ACSM1: variants seen among roughly 807,000 people sequenced by gnomAD.
ACSM1 encodes the protein acyl-coenzyme A synthetase ACSM1, mitochondrial.
Under a neutral mutation model 75.8 loss-of-function variants are expected in ACSM1, and 79 were observed. The ratio of observed to expected loss-of-function variants is 1.04; its 90% CI spans 0.87 to 1.26. ACSM1 has a LOEUF of 1.26. Ranked by LOEUF, ACSM1 falls within the 50% of genes most tolerant of loss-of-function variation. The pLI, the probability that ACSM1 is intolerant of heterozygous loss-of-function variation, is 0.00. For missense variants in ACSM1, 676 were observed against 720.1 expected (o/e 0.94, Z 0.70); for synonymous variants, 279 against 265.8 (o/e 1.05, Z -0.48).
intron 7 of ACSM1, among the ~76,000 whole-genome samples, chr16:20,655,399 A>AAAAAT (rs917983786): frequency 5.9e-5 from 9 of 152,072 alleles, no homozygotes; most frequent in South Asian, 2.1e-4. Flanking sequence ...AAGTATAATA[A>AAAAAT]AAAATAAAAT....
At chr16:20,690,964 G>C in intron 2 of ACSM1, 33 bp downstream of exon 2, 2 of 1,591,104 alleles carry the variant, frequency 1.3e-6, no homozygotes, top group African/African-American at 2.7e-5. Flanking sequence ...GGCCACCCTT[G>C]TTCTTATATC....
chr16:20,669,082 G>A (rs1567291498), intron 6 of ACSM1, among the ~76,000 whole-genome samples: 1 of 152,008 alleles, frequency 6.6e-6, no homozygotes, highest in African/African-American at 2.4e-5. Flanking sequence ...GGGTGTGAGT[G>A]GAGACATAAA....
chr16:20,687,134 G>A (rs1480563414), intron 2 of ACSM1, among the ~76,000 whole-genome samples: 5 of 152,008 alleles, frequency 3.3e-5, no homozygotes, highest in East Asian at 1.9e-4. Context: ...CAAGGGTTGC[G>A]GAGGGACTGG....
intron 6 of ACSM1, among the ~76,000 whole-genome samples, chr16:20,666,624 G>A (rs192103439): frequency 2.0e-5 from 3 of 152,048 alleles, no homozygotes; most frequent in East Asian, 3.9e-4. Context: ...CAGAAAAAAC[G>A]ACTTTAAAAC....
At chr16:20,631,992 AAAAT>A (rs2017374644) in intron 10 of ACSM1, among the ~76,000 whole-genome samples, 1 of 152,042 alleles carries the variant, frequency 6.6e-6, no homozygotes, top group Non-Finnish European at 1.5e-5. Context: ...CAAAACTACT[AAAAT>A]AAAAAAATTA....
At chr16:20,687,731 T>C (rs1320337854) in intron 2 of ACSM1, among the ~76,000 whole-genome samples, 2 of 151,910 alleles carry the variant, frequency 1.3e-5, no homozygotes, top group African/African-American at 4.8e-5. Context: ...TAAAGGAAAT[T>C]AGAAAAACTA....
At chr16:20,656,197 C>T (rs988102930) in intron 7 of ACSM1, among the ~76,000 whole-genome samples, 3 of 152,042 alleles carry the variant, frequency 2.0e-5, no homozygotes, top group African/African-American at 7.2e-5. Flanking sequence ...TTCTGCATGC[C>T]TGTTATATCT....
chr16:20,647,938 C>T (rs1053375171), intron 7 of ACSM1, among the ~76,000 whole-genome samples: 1 of 152,184 alleles, frequency 6.6e-6, no homozygotes, highest in Non-Finnish European at 1.5e-5. Flanking sequence ...TCATCATGCA[C>T]CTGCCCTTTT....
At chr16:20,636,881 G>A (rs757224801) in intron 9 of ACSM1, 41 bp from the exon 10 acceptor site, 32 of 1,478,422 alleles carry the variant, frequency 2.2e-5, no homozygotes, top group African/African-American at 9.7e-5. Flanking sequence ...GCAGGAGGCC[G>A]CAGCCCTTCT....
chr16:20,649,057 T>A (rs1325749346), intron 7 of ACSM1, among the ~76,000 whole-genome samples: 1 of 152,186 alleles, frequency 6.6e-6, no homozygotes, highest in Non-Finnish European at 1.5e-5. Flanking sequence ...GTTAAATAAA[T>A]TTGCAATCTT....
chr16:20,670,008 C>G, intron 5 of ACSM1, 22 bp from the exon 6 acceptor site: 2 of 1,612,644 alleles, frequency 1.2e-6, no homozygotes, highest in Non-Finnish European at 1.7e-6. Context: ...ATGCAGTGGC[C>G]TCAGCTGTGT....
chr16:20,683,473 G>A (rs1771058142), intron 3 of ACSM1, among the ~76,000 whole-genome samples: 1 of 151,454 alleles, frequency 6.6e-6, no homozygotes, highest in Admixed American at 6.6e-5. Flanking sequence ...CTCTCTCCAG[G>A]AAAACACCAC....
At chr16:20,650,565 G>A (rs1211876527) in intron 7 of ACSM1, among the ~76,000 whole-genome samples, 2 of 152,066 alleles carry the variant, frequency 1.3e-5, no homozygotes, top group African/African-American at 2.4e-5. Context: ...CTAGGAGGTG[G>A]GAAGGACTCT....
At chr16:20,625,687 G>C (rs1289330277) in intron 11 of ACSM1, among the ~76,000 whole-genome samples, 165 bp from the exon 12 acceptor site, 2 of 152,202 alleles carry the variant, frequency 1.3e-5, no homozygotes, top group Non-Finnish European at 2.9e-5. Context: ...TAAAGACCTG[G>C]ACATTATAGG....
At chr16:20,624,028 G>A (rs1481094371) in intron 13 of ACSM1, 68 bp downstream of exon 13, 8 of 1,590,078 alleles carry the variant, frequency 5.0e-6, no homozygotes, top group Non-Finnish European at 6.9e-6. Context: ...TACCTCCAGT[G>A]ATACCTAGCC....
chr16:20,686,215 T>A (rs79563415), intron 2 of ACSM1, among the ~76,000 whole-genome samples: 4,765 of 152,056 alleles, frequency 0.031, 249 homozygotes, highest in African/African-American at 0.11. Context: ...TTGAAAAAAA[T>A]TTTTTTAATT....
At position 20,636,811 on chromosome 16, in the gene ACSM1, T is replaced by A. The variant is rs1410999640; in HGVS notation, c.1227A>T (p.Pro409=). ...TGCCAATGTTTCCTTCTGTGTTAGG[T>A]GGCAGGATGCTGCCCTTGTCATCAA... is the stretch of plus-strand genomic sequence containing the variant. ...QVIDDKGSIL[P]PNTEGNIGIR... is the part of the protein sequence containing the mutation. The change falls in exon 10 of 14, where the codon CCA becomes CCT. Residue 409 remains proline (P), a synonymous_variant. Transcript: ENST00000520010. 6.2e-7 allele frequency: 1 copy of A among 1,614,002 alleles called. No homozygotes were observed. The highest frequency in any genetic ancestry group is 2.2e-5 in the East Asian group (1 of 44,880).
chr16:20,647,336 C>T (rs758789249), intron 7 of ACSM1, among the ~76,000 whole-genome samples: 9 of 152,198 alleles, frequency 5.9e-5, no homozygotes, highest in Non-Finnish European at 1.0e-4. Context: ...GGAATGAAGA[C>T]CGACTAGAGT....
At position 20,682,296 on chromosome 16, in the gene ACSM1, G is replaced by A; in HGVS notation, c.571C>T (p.His191Tyr). The A allele has an allele frequency of 6.2e-7, 1 of 1,613,780 alleles. No homozygotes were observed. The stretch of plus-strand genomic sequence containing the variant: ...AAGTCCAGCCACCCTTCACGGCTGT[G>A]ATCAGACACCAGGAGCTTGGTTTTC... ...SLKTKLLVSD[H>Y]SREGWLDFRS... is the part of the protein sequence containing the mutation. The change falls in exon 4 of 14, where the codon CAC (histidine) becomes TAC (tyrosine). Residue 191 changes from histidine (H) to tyrosine (Y), a missense_variant. His to Tyr is a moderately conservative substitution (Grantham distance 83). Transcript: ENST00000520010.
Sources: gnomAD v4.1 joint callset for allele counts (sites outside exome capture counted in the v4.1 genomes callset) on GRCh38, gnomAD v4.1.1 for gene constraint, MANE v1.5 for transcripts, NCBI Gene and HGNC (gene_info 2026-07-23, HGNC 2026-07-21) for gene names.